The following MIPEP variants were observed in gnomAD, a reference collection of about 807,000 sequenced individuals.
The protein encoded by MIPEP is mitochondrial intermediate peptidase.
MIPEP carries 79 observed loss-of-function variants against 90.3 expected under a neutral mutation model. The observed-to-expected ratio is 0.87, with a 90% CI of 0.73 to 1.05. The LOEUF (loss-of-function observed/expected upper bound fraction) is 1.05. MIPEP is among the 50% of genes least tolerant of loss of function. The pLI is 0.00. For missense variants in MIPEP, 940 were observed against 905.6 expected (o/e 1.04, Z -0.49); for synonymous variants, 334 against 315.8 (o/e 1.06, Z -0.61).
chr13:23,841,276 TCAACTGCC>T, intron 11 of MIPEP, 51 bp downstream of exon 11: 1 of 1,507,770 alleles, frequency 6.6e-7, no homozygotes, highest in Non-Finnish European at 8.9e-7. Flanking sequence ...TGCTGTTGAC[TCAACTGCC>T]CAACCGAAAG....
chr13:23,757,607 T>G (rs1338964293), intron 17 of MIPEP, among the ~76,000 whole-genome samples: 1 of 152,122 alleles, frequency 6.6e-6, no homozygotes, highest in African/African-American at 2.4e-5. Context: ...AAAGGTTAAT[T>G]ACACCAGAAA....
chr13:23,752,355 TA>T (rs1404471118), intron 18 of MIPEP, among the ~76,000 whole-genome samples: 2 of 152,236 alleles, frequency 1.3e-5, no homozygotes, highest in Non-Finnish European at 2.9e-5. Context: ...CTATTTGCTG[TA>T]GTAAGAAACA....
chr13:23,800,493 G>A (rs1953022491), intron 16 of MIPEP, among the ~76,000 whole-genome samples: 2 of 152,190 alleles, frequency 1.3e-5, no homozygotes, highest in Admixed American at 1.3e-4. Context: ...GTTGGTATAT[G>A]TTGTACTATT....
chr13:23,835,586 AC>A (rs779652596), intron 14 of MIPEP, among the ~76,000 whole-genome samples: 2 of 152,264 alleles, frequency 1.3e-5, no homozygotes, highest in Non-Finnish European at 2.9e-5. Flanking sequence ...CTCACGTAAT[AC>A]GGTTCTAGTA....
At position 23,738,610 on chromosome 13, in the gene MIPEP, G is replaced by A. The variant is rs541021446; in HGVS notation, c.2045-8165C>T. Among the ~76,000 whole-genome samples, 293 of 150,828 alleles carry A rather than the reference G, an allele frequency of 1.9e-3. 4 individuals carry two copies. The highest frequency in any genetic ancestry group is 7.0e-3 in the African/African-American group (284 of 40,664). ...CTATAGGAATGCACCACCACGCCCA[G>A]CTAGTTTTTTTTTTTTTTGTAGGAA... On this transcript the variant is annotated intron_variant, in intron 18 of 18. Coordinates refer to ENST00000382172, the MANE Select transcript of MIPEP (RefSeq NM_005932.4).
chr13:23,809,628 C>T (rs1953150174), intron 15 of MIPEP, among the ~76,000 whole-genome samples: 1 of 152,114 alleles, frequency 6.6e-6, no homozygotes, highest in Non-Finnish European at 1.5e-5. Context: ...CAGGTGTGAG[C>T]CACTGTGCCT....
chr13:23,749,715 A>AC (rs1435610650), intron 18 of MIPEP, among the ~76,000 whole-genome samples: 1 of 152,116 alleles, frequency 6.6e-6, no homozygotes, highest in African/African-American at 2.4e-5. Context: ...CATCTCTATA[A>AC]CAACTGAAGC....
At chr13:23,811,688 C>G (rs2137412646) in intron 14 of MIPEP, among the ~76,000 whole-genome samples, 1 of 152,282 alleles carries the variant, frequency 6.6e-6, no homozygotes, top group East Asian at 1.9e-4. Flanking sequence ...ACCTAAAGAA[C>G]TGGTCTTTGA....
intron 15 of MIPEP, among the ~76,000 whole-genome samples, chr13:23,806,825 G>GT (rs1216864917): frequency 6.6e-6 from 1 of 152,112 alleles, no homozygotes; most frequent in Non-Finnish European, 1.5e-5. Flanking sequence ...AACAAATGTT[G>GT]TTTGGTTTCC....
At chr13:23,881,632 G>A (rs1194661995) in intron 3 of MIPEP, 67 bp downstream of exon 3, 7 of 1,361,616 alleles carry the variant, frequency 5.1e-6, no homozygotes, top group Admixed American at 1.7e-5. Flanking sequence ...AACTGCCTAC[G>A]GCACAAGTCC....
At chr13:23,778,264 T>C (rs77253655) in intron 16 of MIPEP, among the ~76,000 whole-genome samples, 12 of 152,334 alleles carry the variant, frequency 7.9e-5, no homozygotes, top group Non-Finnish European at 1.5e-4. Context: ...GATTGCATCA[T>C]CACTAAGTTA....
intron 10 of MIPEP, among the ~76,000 whole-genome samples, chr13:23,843,902 A>G (rs1869418009): frequency 6.6e-6 from 1 of 152,164 alleles, no homozygotes; most frequent in Admixed American, 6.5e-5. Flanking sequence ...AAATAAGTGG[A>G]TGGTAGAGTC....
intron 18 of MIPEP, among the ~76,000 whole-genome samples, chr13:23,749,866 T>A (rs1244540866): frequency 2.0e-5 from 3 of 152,138 alleles, no homozygotes; most frequent in Non-Finnish European, 4.4e-5. Flanking sequence ...TCTTTCACAG[T>A]ATCCACAATG....
At chr13:23,767,341 A>G (rs1952601833) in intron 16 of MIPEP, among the ~76,000 whole-genome samples, 1 of 152,232 alleles carries the variant, frequency 6.6e-6, no homozygotes, top group East Asian at 1.9e-4. Context: ...ATTTTTTTAA[A>G]TGAGACTTAG....
intron 14 of MIPEP, among the ~76,000 whole-genome samples, chr13:23,820,889 C>G (rs796167669): frequency 5.9e-5 from 9 of 152,218 alleles, no homozygotes; most frequent in African/African-American, 2.2e-4. Context: ...GCTGTATGTT[C>G]TGGTCTCCTC....
intron 5 of MIPEP, among the ~76,000 whole-genome samples, chr13:23,871,187 A>G (rs1870790484): frequency 1.3e-5 from 2 of 152,330 alleles, no homozygotes; most frequent in Admixed American, 1.3e-4. Context: ...CAGGCCTTCA[A>G]ATGGTCAGTG....
intron 10 of MIPEP, among the ~76,000 whole-genome samples, chr13:23,857,359 T>A (rs1870089499): frequency 6.6e-6 from 1 of 152,158 alleles, no homozygotes. Context: ...TTTAAAAAAA[T>A]GGTAGCTAAC....
intron 10 of MIPEP, among the ~76,000 whole-genome samples, chr13:23,845,922 A>ATT (rs577515187): frequency 7.3e-6 from 1 of 136,848 alleles, no homozygotes. Flanking sequence ...ATTGTTTTTA[A>ATT]TTTTTTTTTT....
intron 10 of MIPEP, chr13:23,842,500 C>T (rs749182187): frequency 2.0e-5 from 3 of 152,274 alleles, no homozygotes; most frequent in South Asian, 2.1e-4. Context: ...TTGAAAGAGA[C>T]GTTCATGATC....
Sources: gnomAD v4.1 joint callset for allele counts (sites outside exome capture counted in the v4.1 genomes callset) on GRCh38, gnomAD v4.1.1 for gene constraint, MANE v1.5 for transcripts, NCBI Gene and HGNC (gene_info 2026-07-23, HGNC 2026-07-21) for gene names.